Variants in ENTPD3 observed in about 807,000 individuals in gnomAD.
ENTPD3 encodes ectonucleoside triphosphate diphosphohydrolase 3.
ENTPD3 carries 60 observed loss-of-function variants against 51.2 expected under a neutral mutation model. That is an observed-to-expected ratio of 1.17 (90% CI 0.95 to 1.45). The LOEUF is 1.45. ENTPD3 is among the 40% of genes most tolerant of loss of function. The pLI is 0.00. For missense variants in ENTPD3, 593 were observed against 641.1 expected (o/e 0.93, Z 0.81); for synonymous variants, 221 against 238.4 (o/e 0.93, Z 0.67).
chr3:40,426,892 T>C (rs1334034948), intron 10 of ENTPD3, among the ~76,000 whole-genome samples: 4 of 152,170 alleles, frequency 2.6e-5, no homozygotes, highest in African/African-American at 7.2e-5. Context: ...AGCTTCCCAT[T>C]TGGGCTGATT....
chr3:40,414,863 T>A (rs1955709250), intron 6 of ENTPD3, 23 bp downstream of exon 6: 1 of 1,612,690 alleles, frequency 6.2e-7, no homozygotes, highest in Admixed American at 1.7e-5. Flanking sequence ...AAATGCATGG[T>A]TTTTAATCTT....
intron 7 of ENTPD3, among the ~76,000 whole-genome samples, chr3:40,422,376 C>G (rs1207182153): frequency 4.4e-5 from 6 of 135,486 alleles, no homozygotes; most frequent in African/African-American, 1.7e-4. Context: ...TATTATTATA[C>G]TTTAAGTTTT....
intron 1 of ENTPD3, 189 bp from the exon 2 acceptor site, chr3:40,387,857 A>G: frequency 1.8e-6 from 1 of 558,704 alleles, no homozygotes. Flanking sequence ...TCATTTGGGG[A>G]GATGACATGA....
rs138615790 is a variant in ENTPD3, at chr3:40,392,132, C to G, written c.150C>G (p.Val50=). The G allele has an allele frequency of 2.6e-5, 42 of 1,613,988 alleles. No homozygotes were observed. Among genetic ancestry groups the G allele is most frequent in the Non-Finnish European group, 3.5e-5 (41 of 1,180,030 alleles). The change falls in exon 3 of 11, where the codon GTC becomes GTG. Residue 50 remains valine, a synonymous_variant. Transcript: ENST00000301825. ...ITVIQIHKQE[V]LPPGLKYGIV... ...TCATCCAGATCCACAAGCAAGAGGT[C>G]CTCCCTCCAGGACTGAAGGTAAGTG...
chr3:40,425,897 C>CA (rs201292183), intron 10 of ENTPD3, among the ~76,000 whole-genome samples: 130 of 121,826 alleles, frequency 1.1e-3, no homozygotes, highest in South Asian at 4.4e-3. Context: ...GACTCTGTCT[C>CA]AAAAAAAAAA....
At chr3:40,416,149 G>C (rs1368132978) in intron 7 of ENTPD3, 76 bp downstream of exon 7, 4 of 1,049,938 alleles carry the variant, frequency 3.8e-6, no homozygotes, top group Non-Finnish European at 5.8e-6. Flanking sequence ...CCTGCCTTCT[G>C]GGGTCTGTCC....
In ENTPD3 at chr3:40,427,893, C is replaced by T. The variant is rs150948930; in HGVS notation, c.*385C>T. 5.0e-4 allele frequency: 114 copies of T among 227,386 alleles called. 1 individual carries two copies. Among genetic ancestry groups the T allele is most frequent in the African/African-American group, 2.0e-3 (87 of 44,432 alleles). 14.1% of individuals were successfully genotyped at this position (227,386 alleles called of 1,614,324 possible). ...CCTCAGTATTCTTCCTGGCAAGATA[C>T]CCATTAAGCATTTCGCCAATCAGAA... On this transcript the variant is annotated 3_prime_UTR_variant, in exon 11 of 11. Transcript: ENST00000301825.
At chr3:40,417,383 G>A (rs1051931425) in intron 7 of ENTPD3, among the ~76,000 whole-genome samples, 6 of 152,144 alleles carry the variant, frequency 3.9e-5, no homozygotes, top group African/African-American at 1.2e-4. Context: ...AAGGCGAAGC[G>A]GAAGCAAGCC....
At chr3:40,416,712 G>A (rs1575228210) in intron 7 of ENTPD3, among the ~76,000 whole-genome samples, 1 of 152,166 alleles carries the variant, frequency 6.6e-6, no homozygotes, top group Admixed American at 6.5e-5. Flanking sequence ...TAACTCCACA[G>A]GTGAGACCCC....
At chr3:40,415,146 T>G (rs1269236660) in intron 6 of ENTPD3, among the ~76,000 whole-genome samples, 1 of 152,122 alleles carries the variant, frequency 6.6e-6, no homozygotes, top group Non-Finnish European at 1.5e-5. Context: ...GGGAGGGCAG[T>G]TGAAGAATAA....
chr3:40,422,109 C>T (rs1043872165), intron 7 of ENTPD3, among the ~76,000 whole-genome samples: 1 of 150,396 alleles, frequency 6.6e-6, no homozygotes, highest in Non-Finnish European at 1.5e-5. Context: ...GAGAGCCTAG[C>T]GCTATGCCTG....
At chr3:40,410,383 G>A (rs192797140) in intron 4 of ENTPD3, among the ~76,000 whole-genome samples, 2 of 150,702 alleles carry the variant, frequency 1.3e-5, no homozygotes, top group African/African-American at 4.9e-5. Flanking sequence ...AGAGGTTGTA[G>A]TGAGCCGAGA....
At chr3:40,391,919 G>A (rs1004188870) in intron 2 of ENTPD3, 104 bp from the exon 3 acceptor site, 1 of 1,330,606 alleles carries the variant, frequency 7.5e-7, no homozygotes, top group African/African-American at 1.5e-5. Flanking sequence ...CAGAGAAGGT[G>A]GTTTATGCAC....
chr3:40,400,054 C>T (rs1014737667), intron 3 of ENTPD3, among the ~76,000 whole-genome samples: 2 of 151,936 alleles, frequency 1.3e-5, no homozygotes, highest in Non-Finnish European at 1.5e-5. Flanking sequence ...CACTTGAGGT[C>T]GGGAGTTTGA....
intron 3 of ENTPD3, among the ~76,000 whole-genome samples, 170 bp from the exon 4 acceptor site, chr3:40,400,724 A>G (rs546672562): frequency 5.3e-5 from 8 of 152,178 alleles, no homozygotes; most frequent in Non-Finnish European, 7.4e-5. Context: ...CTTCCCTCAC[A>G]ATCCAAGGAG....
chr3:40,404,895 G>A (rs1339232662), intron 4 of ENTPD3, among the ~76,000 whole-genome samples: 1 of 152,116 alleles, frequency 6.6e-6, no homozygotes, highest in African/African-American at 2.4e-5. Flanking sequence ...CTTTCTGGTT[G>A]GTATCAACCC....
chr3:40,397,090 T>C (rs1955219265), intron 3 of ENTPD3, among the ~76,000 whole-genome samples: 1 of 148,742 alleles, frequency 6.7e-6, no homozygotes, highest in Non-Finnish European at 1.5e-5. Flanking sequence ...GGTCTACTTC[T>C]TGGAGAGTAA....
intron 4 of ENTPD3, among the ~76,000 whole-genome samples, chr3:40,406,078 C>T (rs572123753): frequency 6.6e-6 from 1 of 152,200 alleles, no homozygotes; most frequent in East Asian, 1.9e-4. Context: ...GAGTGTCAGG[C>T]AGACATGATG....
intron 3 of ENTPD3, among the ~76,000 whole-genome samples, chr3:40,399,317 TG>T (rs1198151720): frequency 6.6e-6 from 1 of 152,252 alleles, no homozygotes; most frequent in African/African-American, 2.4e-5. Context: ...TCTTGTTTTG[TG>T]ATTTTATTTG....
Sources: gnomAD v4.1 joint callset for allele counts (sites outside exome capture counted in the v4.1 genomes callset) on GRCh38, gnomAD v4.1.1 for gene constraint, MANE v1.5 for transcripts, NCBI Gene and HGNC (gene_info 2026-07-23, HGNC 2026-07-21) for gene names.